CTIF: variants seen among roughly 807,000 people sequenced by gnomAD.
The protein encoded by CTIF is cap binding complex dependent translation initiation factor.
A neutral mutation model predicts 66.0 loss-of-function variants in CTIF; 21 were observed. The observed-to-expected ratio is 0.32, with a 90% confidence interval of 0.23 to 0.46. CTIF has a LOEUF of 0.46. Among genes scored for constraint, CTIF ranks in the 20% least tolerant of loss-of-function variants. The pLI is 1.00. For synonymous variants in CTIF, 345 were observed against 326.4 expected (o/e 1.06, Z -0.62); for missense variants, 739 against 812.7 (o/e 0.91, Z 1.10).
intron 6 of CTIF, among the ~76,000 whole-genome samples, chr18:48,693,179 C>T (rs1187462128): frequency 1.3e-5 from 2 of 152,102 alleles, no homozygotes; most frequent in Non-Finnish European, 2.9e-5. Context: ...TGAAATCTAC[C>T]CGGTGCCAGC....
intron 9 of CTIF, among the ~76,000 whole-genome samples, chr18:48,809,002 T>G (rs575556403): frequency 6.6e-6 from 1 of 152,376 alleles, no homozygotes; most frequent in East Asian, 1.9e-4. Flanking sequence ...CACAATGCTG[T>G]CTTCTCAATA....
At chr18:48,667,619 A>G (rs1380976606) in intron 5 of CTIF, among the ~76,000 whole-genome samples, 2 of 152,214 alleles carry the variant, frequency 1.3e-5, no homozygotes, top group African/African-American at 4.8e-5. Flanking sequence ...ATGAATAACT[A>G]TGAAGGAGAG....
At chr18:48,850,817 C>T (rs2069183003) in intron 10 of CTIF, among the ~76,000 whole-genome samples, 1 of 152,188 alleles carries the variant, frequency 6.6e-6, no homozygotes, top group Admixed American at 6.5e-5. Flanking sequence ...CTCCACCATC[C>T]CTTCACCCCG....
rs7232384 is a variant in CTIF, at chr18:48,722,730, G to A, written c.584+11035G>A. Among the ~76,000 whole-genome samples, 1,105 of 151,082 alleles carry A rather than the reference G, an allele frequency of 7.3e-3. 15 individuals carry two copies. Among genetic ancestry groups the A allele is most frequent in the African/African-American group, 0.024 (996 of 41,058 alleles). Reference sequence around the variant, plus strand: ...CGCTCACAGGTGTAAGCACCCGGCCGTACCCATCAGCGCTCACAGGTGTAA... The same window carrying A: ...CGCTCACAGGTGTAAGCACCCGGCCATACCCATCAGCGCTCACAGGTGTAA... On this transcript the variant is annotated intron_variant, in intron 7 of 11. Transcript: ENST00000256413.
intron 10 of CTIF, among the ~76,000 whole-genome samples, chr18:48,831,212 G>A (rs576680637): frequency 6.6e-6 from 1 of 152,378 alleles, no homozygotes; most frequent in African/African-American, 2.4e-5. Context: ...TGCCCACACT[G>A]TGAGTGAACC....
Position 48,859,328 on chromosome 18 carries a change from AC to A in CTIF, c.1582-15del. 6.2e-7 allele frequency: 1 copy of A among 1,612,834 alleles called. No individual in the cohort carries two copies. The highest frequency in any genetic ancestry group is 1.1e-5 in the South Asian group (1 of 91,056). On this transcript the variant is annotated splice_polypyrimidine_tract_variant and intron_variant, in intron 11 of 11. Transcript: ENST00000256413. ...TGGGACCCGAGGCCATCCTAACCCC[AC>A]ATCTCTGTCTGCAGCTGCAGAGTAC...
At chr18:48,690,370 G>C (rs909060223) in intron 6 of CTIF, among the ~76,000 whole-genome samples, 7 of 152,072 alleles carry the variant, frequency 4.6e-5, no homozygotes, top group Non-Finnish European at 7.3e-5. Flanking sequence ...GACCTACAAA[G>C]TGCACACATC....
At chr18:48,545,034 G>A (rs535394786) in intron 1 of CTIF, among the ~76,000 whole-genome samples, 27 of 152,188 alleles carry the variant, frequency 1.8e-4, no homozygotes, top group Non-Finnish European at 3.5e-4. Flanking sequence ...TGTCAGGGAG[G>A]GCTTCCTAAA....
At chr18:48,670,600 G>C (rs78396863) in intron 5 of CTIF, 69 bp from the exon 6 acceptor site, 21,670 of 1,421,714 alleles carry the variant, frequency 0.015, 200 homozygotes, top group Middle Eastern at 0.044. Context: ...CTCCTCTCCT[G>C]CTGGCCGGAT....
At chr18:48,539,379 G>A (rs1298207772) in intron 1 of CTIF, 67 bp downstream of exon 1, 3 of 152,270 alleles carry the variant, frequency 2.0e-5, no homozygotes, top group African/African-American at 7.2e-5. Context: ...CGGGGACCCG[G>A]GAGGAGGGCT....
intron 6 of CTIF, among the ~76,000 whole-genome samples, chr18:48,680,751 C>G (rs1204387716): frequency 6.6e-6 from 1 of 152,230 alleles, no homozygotes; most frequent in Non-Finnish European, 1.5e-5. Context: ...AGCATCTTCC[C>G]TCCTCTGTCC....
intron 6 of CTIF, among the ~76,000 whole-genome samples, chr18:48,678,139 C>T (rs970437956): frequency 3.3e-5 from 5 of 151,928 alleles, no homozygotes; most frequent in South Asian, 2.1e-4. Flanking sequence ...ACGGTAGTCA[C>T]GTACAGCAAG....
intron 1 of CTIF, among the ~76,000 whole-genome samples, chr18:48,595,185 G>A (rs898844151): frequency 1.8e-4 from 27 of 152,186 alleles, no homozygotes; most frequent in Non-Finnish European, 2.9e-4. Context: ...GCTTCTTGTG[G>A]CCTATCCTTG....
intron 7 of CTIF, among the ~76,000 whole-genome samples, chr18:48,746,163 T>C (rs1276576387): frequency 6.6e-6 from 1 of 152,148 alleles, no homozygotes; most frequent in Non-Finnish European, 1.5e-5. Context: ...TGGGGCCATC[T>C]TTGCTTCACG....
At chr18:48,736,610 G>A (rs1321869824) in intron 7 of CTIF, among the ~76,000 whole-genome samples, 1 of 152,236 alleles carries the variant, frequency 6.6e-6, no homozygotes, top group Non-Finnish European at 1.5e-5. Context: ...ATGGGGGTTG[G>A]GGGAAGAAGG....
At chr18:48,789,692 C>A (rs531262389) in intron 9 of CTIF, among the ~76,000 whole-genome samples, 1 of 152,108 alleles carries the variant, frequency 6.6e-6, no homozygotes, top group South Asian at 2.1e-4. Context: ...GCCTTTTGGG[C>A]AGAAATTGGC....
chr18:48,622,976 T>A lies in CTIF; in HGVS notation c.180+3231T>A, dbSNP rs185757914. On this transcript the variant is annotated intron_variant, in intron 2 of 11. Transcript: ENST00000256413. ...GCCTCAAAGCTTCACCCCAGAGGTA[T>A]GCGTGGCTGATGGTAGAATTTCTGT... Among the ~76,000 whole-genome samples the A allele has an allele frequency of 9.5e-4, 145 of 152,370 alleles. 3 individuals are homozygous for A. Among genetic ancestry groups the A allele is most frequent in the African/African-American group, 3.4e-3 (142 of 41,592 alleles).
chr18:48,596,477 C>CTTT (rs112975997), intron 1 of CTIF, among the ~76,000 whole-genome samples: 2 of 145,076 alleles, frequency 1.4e-5, no homozygotes, highest in East Asian at 2.0e-4. Flanking sequence ...TTCTTTCTTT[C>CTTT]TTTTTTTTTT....
At chr18:48,781,729 G>A (rs1053590384) in intron 9 of CTIF, among the ~76,000 whole-genome samples, 1 of 152,110 alleles carries the variant, frequency 6.6e-6, no homozygotes. Flanking sequence ...AGAAAAGGGA[G>A]GGGGCATGGG....
Sources: gnomAD v4.1 joint callset for allele counts (sites outside exome capture counted in the v4.1 genomes callset) on GRCh38, gnomAD v4.1.1 for gene constraint, MANE v1.5 for transcripts, NCBI Gene and HGNC (gene_info 2026-07-23, HGNC 2026-07-21) for gene names.